Variants in YPEL2 observed in about 807,000 individuals in gnomAD.
YPEL2 encodes the protein protein yippee-like 2.
A neutral mutation model predicts 19.1 loss-of-function variants in YPEL2; 2 were observed. The observed-to-expected ratio is 0.10, with a 90% CI of 0.04 to 0.33. YPEL2 has a LOEUF of 0.33. Among genes scored for constraint, YPEL2 ranks in the 10% least tolerant of loss-of-function variants. The pLI is 1.00. For synonymous variants in YPEL2, 52 were observed against 50.0 expected (o/e 1.04, Z -0.17); for missense variants, 66 against 140.7 (o/e 0.47, Z 2.68).
intron 2 of YPEL2, among the ~76,000 whole-genome samples, chr17:59,376,503 C>T (rs2047921480): frequency 6.6e-6 from 1 of 152,216 alleles, no homozygotes. Context: ...CAGGTGTGAG[C>T]CACCATGTCC....
chr17:59,339,785 T>C (rs1275134181), intron 1 of YPEL2, among the ~76,000 whole-genome samples: 1 of 152,016 alleles, frequency 6.6e-6, no homozygotes, highest in African/African-American at 2.4e-5. Context: ...AAAGCAGGGG[T>C]CATCATCATA....
chr17:59,357,400 TA>T (rs1319301314), intron 2 of YPEL2, among the ~76,000 whole-genome samples: 1 of 151,856 alleles, frequency 6.6e-6, no homozygotes, highest in Non-Finnish European at 1.5e-5. Context: ...GTAAAGAGGG[TA>T]GGGGGAAAAA....
intron 2 of YPEL2, among the ~76,000 whole-genome samples, chr17:59,368,734 CT>C (rs1437573408): frequency 1.3e-5 from 2 of 152,142 alleles, no homozygotes; most frequent in Non-Finnish European, 2.9e-5. Context: ...AGACAGAGTT[CT>C]GGATGCTGTG....
chr17:59,340,095 C>T (rs1280475344), intron 1 of YPEL2, among the ~76,000 whole-genome samples: 2 of 151,472 alleles, frequency 1.3e-5, no homozygotes, highest in Non-Finnish European at 2.9e-5. Context: ...TGAGAAACAA[C>T]TAATTTTGTG....
chr17:59,377,460 T>G (rs1387661772), intron 2 of YPEL2, among the ~76,000 whole-genome samples: 1 of 152,196 alleles, frequency 6.6e-6, no homozygotes. Context: ...ACAGACCTGG[T>G]GAGGATGGCA....
At chr17:59,368,246 G>A (rs115993550) in intron 2 of YPEL2, among the ~76,000 whole-genome samples, 1,883 of 152,100 alleles carry the variant, frequency 0.012, 40 homozygotes, top group African/African-American at 0.043. Context: ...ACCATGTCCG[G>A]CTAATTTTTC....
Position 59,397,185 on chromosome 17 carries a change from G to A in YPEL2, c.355G>A (p.Asp119Asn). The change falls in exon 5 of 5, where the codon GAC (aspartate) becomes AAC (asparagine). Residue 119 changes from aspartate to asparagine, a missense_variant. Coordinates refer to ENST00000312655, the MANE Select transcript of YPEL2 (RefSeq NM_001005404.4). ...LAHMIKDNGWD is the reference protein window; with the variant it reads ...LAHMIKDNGWN Reference sequence around the variant, plus strand: ...ACACATGATCAAGGACAATGGCTGGGACTGATTGGACAGCATCTACCCAAC... The same window carrying A: ...ACACATGATCAAGGACAATGGCTGGAACTGATTGGACAGCATCTACCCAAC... The A allele has an allele frequency of 1.9e-6, 3 of 1,606,536 alleles. No homozygotes were observed.
At chr17:59,389,317 G>A (rs770205002) in intron 3 of YPEL2, 43 bp from the exon 4 acceptor site, 6 of 1,542,660 alleles carry the variant, frequency 3.9e-6, no homozygotes, top group South Asian at 2.3e-5. Context: ...CCTGATGTGC[G>A]TGTCACTAAC....
chr17:59,377,292 G>A (rs1266688627), intron 2 of YPEL2, among the ~76,000 whole-genome samples: 2 of 152,064 alleles, frequency 1.3e-5, no homozygotes, highest in Non-Finnish European at 2.9e-5. Context: ...TGTTTTCAAG[G>A]GCCCGATGGC....
Position 59,340,182 on chromosome 17 carries a change from A to G in YPEL2, c.-196+8358A>G, listed in dbSNP as rs567507951. Among the ~76,000 whole-genome samples the G allele has an allele frequency of 1.1e-4, 16 of 150,520 alleles. No individual in the cohort carries two copies. In the East Asian group the frequency reaches 3.1e-3, roughly 29 times the overall value. On this transcript the variant is annotated intron_variant, in intron 1 of 4. Coordinates refer to ENST00000312655, the MANE Select transcript of YPEL2 (RefSeq NM_001005404.4). ...GAGTACAATGGTGTGATCTCAGCTC[A>G]CTGCAATCTCCACCCCCCCAGGTTC...
At chr17:59,388,398 T>C in intron 3 of YPEL2, 28 bp downstream of exon 3, 1 of 1,611,308 alleles carries the variant, frequency 6.2e-7, no homozygotes, top group Non-Finnish European at 8.5e-7. Flanking sequence ...GTACATTCCT[T>C]GTGGGGTACA....
intron 1 of YPEL2, among the ~76,000 whole-genome samples, chr17:59,332,503 C>G (rs911077717): frequency 2.6e-5 from 4 of 152,156 alleles, no homozygotes; most frequent in Non-Finnish European, 5.9e-5. Context: ...AGCGCCTCCC[C>G]GGAGCTGGCG....
At chr17:59,394,971 C>T (rs536360765) in intron 4 of YPEL2, among the ~76,000 whole-genome samples, 7 of 152,304 alleles carry the variant, frequency 4.6e-5, no homozygotes, top group East Asian at 1.9e-4. Context: ...CGCCTGCAAT[C>T]GCAGGCACTC....
At chr17:59,374,245 G>A (rs1168634233) in intron 2 of YPEL2, among the ~76,000 whole-genome samples, 1 of 152,202 alleles carries the variant, frequency 6.6e-6, no homozygotes, top group Admixed American at 6.5e-5. Context: ...ATACCAAGAA[G>A]CATCAGTGTG....
At chr17:59,338,461 G>C (rs1007881780) in intron 1 of YPEL2, among the ~76,000 whole-genome samples, 1 of 152,166 alleles carries the variant, frequency 6.6e-6, no homozygotes, top group South Asian at 2.1e-4. Flanking sequence ...GTGTAGGCAC[G>C]GAACAGATCC....
Position 59,399,771 on chromosome 17 carries a change from A to G in YPEL2, c.*2581A>G, listed in dbSNP as rs2048060783. 6.5e-6 allele frequency: 1 copy of G among 152,678 alleles called. No individual in the cohort carries two copies. The highest frequency in any genetic ancestry group is 6.5e-5 in the Admixed American group (1 of 15,284). The allele number at this position is 152,678 out of a possible 1,614,324, so 9.5% of individuals were successfully genotyped here. A position where few individuals can be genotyped will look rare whatever the true frequency, so the allele number is the denominator to read the frequency against. On this transcript the variant is annotated 3_prime_UTR_variant, in exon 5 of 5. Transcript: ENST00000312655. ...CACAGCTGAGCTATGGAGATGCTAA[A>G]TTAACTCATGGCCTCAGTCAGTTCA...
At position 59,397,292 on chromosome 17, in the gene YPEL2, G is replaced by C; in HGVS notation, c.*102G>C. ...ACTGACACTTGGTTCCATCCATTTA[G>C]GGGCCTTGCCATCCGGGGCATCCTC... is the stretch of plus-strand genomic sequence containing the variant. On this transcript the variant is annotated 3_prime_UTR_variant, in exon 5 of 5. Coordinates refer to ENST00000312655, the MANE Select transcript of YPEL2 (RefSeq NM_001005404.4). 1.1e-6 allele frequency: 1 copy of C among 901,382 alleles called. No homozygotes were observed. Among genetic ancestry groups the C allele is most frequent in the Admixed American group, 3.1e-5 (1 of 31,798 alleles). The allele number at this position is 901,382 out of a possible 1,614,324, so 55.8% of individuals were successfully genotyped here.
intron 2 of YPEL2, among the ~76,000 whole-genome samples, chr17:59,369,762 G>A (rs2047887660): frequency 2.6e-5 from 4 of 152,218 alleles, no homozygotes; most frequent in Admixed American, 6.5e-5. Context: ...CTTTACACTT[G>A]TAGTAGTTCC....
chr17:59,354,943 A>G (rs564614765), intron 2 of YPEL2: 2 of 150,826 alleles, frequency 1.3e-5, no homozygotes, highest in Non-Finnish European at 2.9e-5. Context: ...TGGGTTTGCA[A>G]AGTTGTAGGG....
Sources: gnomAD v4.1 joint callset for allele counts (sites outside exome capture counted in the v4.1 genomes callset) on GRCh38, gnomAD v4.1.1 for gene constraint, MANE v1.5 for transcripts, NCBI Gene and HGNC (gene_info 2026-07-23, HGNC 2026-07-21) for gene names.